Variants in NOTCH2 observed in about 807,000 individuals in gnomAD.
The protein encoded by NOTCH2 is notch receptor 2.
A neutral mutation model predicts 235.8 loss-of-function variants in NOTCH2; 29 were observed. That is an observed-to-expected ratio of 0.12 (90% confidence interval 0.09 to 0.17). The LOEUF is 0.17. NOTCH2 is among the 10% of genes least tolerant of loss of function. NOTCH2 has a pLI of 1.00. For missense variants in NOTCH2, 2,285 were observed against 3,150.2 expected (o/e 0.73, Z 6.57); for synonymous variants, 1,086 against 1,141.5 (o/e 0.95, Z 0.98).
chr1:119,940,844 A>T, intron 18 of NOTCH2, 88 bp from the exon 19 acceptor site: 1 of 1,215,110 alleles, frequency 8.2e-7, no homozygotes, highest in East Asian at 2.4e-5. Flanking sequence ...CTAAGATCAT[A>T]CAGAGGCAAA....
At chr1:119,983,669 T>C (rs1651903069) in intron 5 of NOTCH2, among the ~76,000 whole-genome samples, 1 of 152,128 alleles carries the variant, frequency 6.6e-6, no homozygotes, top group Non-Finnish European at 1.5e-5. Context: ...AAAGAGATAA[T>C]AGCAAATGAA....
chr1:119,929,337 C>A, intron 22 of NOTCH2, 125 bp from the exon 23 acceptor site: 1 of 790,978 alleles, frequency 1.3e-6, no homozygotes, highest in East Asian at 2.6e-5. Flanking sequence ...GGTAGTGGGA[C>A]CTTGTAGTTG....
At position 119,916,562 on chromosome 1, in the gene NOTCH2, T is replaced by A. The variant is rs774262327; in HGVS notation, c.6160A>T (p.Met2054Leu). 4 of 1,614,126 alleles carry A rather than the reference T, an allele frequency of 2.5e-6. No homozygotes were observed. The highest frequency in any genetic ancestry group is 3.3e-5 in the Admixed American group (2 of 60,014). The change falls in exon 34 of 34, where the codon ATG becomes TTG. Residue 2054 changes from methionine to leucine, a missense_variant. By Grantham distance (15) the Met-to-Leu change is conservative. Around this residue, in one of 6 missense-constraint regions of NOTCH2, gnomAD observed 504 missense variants for 538.0 expected, o/e 0.94. Transcript: ENST00000256646. ...RLPRDVARDR[M>L]HHDIVRLLDE... Reference sequence around the variant, plus strand: ...AGAAGGCGCACAATGTCATGGTGCATGCGATCCCGAGCCACATCCCGGGGA... The same window carrying A: ...AGAAGGCGCACAATGTCATGGTGCAAGCGATCCCGAGCCACATCCCGGGGA...
chr1:120,036,963 A>G (rs1436830976), intron 1 of NOTCH2, among the ~76,000 whole-genome samples: 2 of 152,202 alleles, frequency 1.3e-5, no homozygotes, highest in African/African-American at 2.4e-5. Flanking sequence ...AATCTCTAAC[A>G]TGAGTAATTA....
In NOTCH2 at chr1:119,918,497, T is replaced by C. The variant is rs1309851772; in HGVS notation, c.5838A>G (p.Thr1946=). The change falls in exon 32 of 34, where the codon ACA becomes ACG. Residue 1946 remains threonine (T), a synonymous_variant. Transcript: ENST00000256646. ...CCAGGCGGGCAGCCAGGATCAGGGGTGTAGTACCATCATTCATCCTGGCAT... is the reference window on the plus strand; with the variant it reads ...CCAGGCGGGCAGCCAGGATCAGGGGCGTAGTACCATCATTCATCCTGGCAT... The part of the protein sequence containing the change: ...DLDARMNDGT[T]PLILAARLAV... 1.9e-6 allele frequency: 3 copies of C among 1,613,740 alleles called. No individual in the cohort carries two copies. In the South Asian group the frequency reaches 3.3e-5, roughly 18 times the overall value.
chr1:119,954,174 A>C (rs1650595920), intron 13 of NOTCH2, among the ~76,000 whole-genome samples: 1 of 152,192 alleles, frequency 6.6e-6, no homozygotes, highest in Admixed American at 6.5e-5. Flanking sequence ...TTCAGAAAGC[A>C]CCTAGGGTAT....
chr1:120,058,206 A>G (rs1459902144), intron 1 of NOTCH2, among the ~76,000 whole-genome samples: 8 of 152,208 alleles, frequency 5.3e-5, no homozygotes, highest in Non-Finnish European at 1.0e-4. Flanking sequence ...TGATGTTTAA[A>G]AAATCAAGCT....
chr1:119,951,873 A>G lies in NOTCH2; in HGVS notation c.2366-1036T>C, dbSNP rs1650488411. ...TTTGGGATTTTACCTTTTGAATTTT[A>G]TTTTGTTCACTGATAAGCAAGTCTC... is the stretch of plus-strand genomic sequence containing the variant. On this transcript the variant is annotated intron_variant, in intron 14 of 33. Coordinates refer to ENST00000256646, the MANE Select transcript of NOTCH2 (RefSeq NM_024408.4). Among the ~76,000 whole-genome samples, 4 of 152,218 alleles carry G rather than the reference A, an allele frequency of 2.6e-5. No homozygotes were observed. The South Asian group carries it at 8.3e-4, about 31-fold the overall frequency.
intron 5 of NOTCH2, among the ~76,000 whole-genome samples, chr1:119,980,802 T>C (rs1431241746): frequency 6.6e-6 from 1 of 152,148 alleles, no homozygotes; most frequent in East Asian, 1.9e-4. Context: ...AAGTAAAATA[T>C]TACAGGAGCT....
intron 24 of NOTCH2, 136 bp downstream of exon 24, chr1:119,926,363 A>G: frequency 1.3e-6 from 1 of 768,228 alleles, no homozygotes; most frequent in Non-Finnish European, 2.3e-6. Context: ...AAACCCAAGC[A>G]CTTTCCTCTG....
chr1:120,033,468 T>C (rs1487708069), intron 1 of NOTCH2, among the ~76,000 whole-genome samples: 1 of 94,802 alleles, frequency 1.1e-5, no homozygotes, highest in African/African-American at 4.0e-5. Flanking sequence ...TACAATGGAA[T>C]ACTATTCAAC....
intron 1 of NOTCH2, among the ~76,000 whole-genome samples, chr1:120,060,460 T>C (rs782748610): frequency 2.0e-5 from 3 of 149,040 alleles, no homozygotes; most frequent in Non-Finnish European, 3.0e-5. Context: ...AATATATATA[T>C]ATATATATAT....
intron 5 of NOTCH2, among the ~76,000 whole-genome samples, chr1:119,973,243 T>C (rs587765592): frequency 6.6e-6 from 1 of 152,310 alleles, no homozygotes; most frequent in East Asian, 1.9e-4. Flanking sequence ...GCCAGATTAT[T>C]TTCTCCCTAT....
At chr1:119,966,524 G>A in intron 8 of NOTCH2, 35 bp from the exon 9 acceptor site, 4 of 1,459,574 alleles carry the variant, frequency 2.7e-6, no homozygotes, top group Non-Finnish European at 3.8e-6. Context: ...GGCTTAAAGA[G>A]AGAGAAAGGT....
At chr1:119,947,794 T>C (rs1224650616) in intron 17 of NOTCH2, among the ~76,000 whole-genome samples, 2 of 152,352 alleles carry the variant, frequency 1.3e-5, no homozygotes, top group East Asian at 1.9e-4. Flanking sequence ...AATGGAATAC[T>C]GCAGAACAAT....
At chr1:119,978,338 G>A (rs1012752468) in intron 5 of NOTCH2, among the ~76,000 whole-genome samples, 2 of 152,072 alleles carry the variant, frequency 1.3e-5, no homozygotes, top group Non-Finnish European at 2.9e-5. Context: ...ACAGCCTTGG[G>A]ACTAAATCCA....
rs112363464 is a variant in NOTCH2 at position 119,922,745 on chromosome 1, C to A, written c.4893G>T (p.Gln1631His). ...SKVFLEIDNR[Q>H]CVQDSDHCFK... ...AGCAGTGGTCTGAGTCTTGAACACACTGGCGGTTGTCAATTTCCAGAAAGA... is the reference window on the plus strand; with the variant it reads ...AGCAGTGGTCTGAGTCTTGAACACAATGGCGGTTGTCAATTTCCAGAAAGA... Residue 1631 changes from glutamine to histidine, a missense_variant, in exon 27 of 34, where the codon CAG (glutamine) becomes CAT (histidine). Physicochemically the swap from Gln to His is conservative, Grantham distance 24 (BLOSUM62 0). Around this residue, in one of 6 missense-constraint regions of NOTCH2, gnomAD observed 1,173 missense variants for 1,515.3 expected, o/e 0.77. Coordinates refer to ENST00000256646, the MANE Select transcript of NOTCH2 (RefSeq NM_024408.4). The A allele has an allele frequency of 3.1e-6, 5 of 1,614,172 alleles. No homozygotes were observed. Among genetic ancestry groups the A allele is most frequent in the Admixed American group, 1.7e-5 (1 of 60,028 alleles).
Position 119,969,572 on chromosome 1 carries a change from T to C in NOTCH2, c.1047A>G (p.Pro349=). 6.2e-7 allele frequency: 1 copy of C among 1,614,000 alleles called. No individual in the cohort carries two copies. The highest frequency in any genetic ancestry group is 1.1e-5 in the South Asian group (1 of 91,086). The change falls in exon 6 of 34, where the codon CCA becomes CCG. Residue 349 remains proline, a synonymous_variant. Transcript: ENST00000256646. ...CCACACGGTCGATGCAGGTGGAGCC[T>C]GGAGTACAGGAGGCGAAGGCACAAT... ...IDDCAFASCT[P]GSTCIDRVAS... is the part of the protein sequence containing the mutation.
rs1366285125 is a variant in NOTCH2 at position 119,925,666 on chromosome 1, G to C, written c.4150C>G (p.Gln1384Glu). Residue 1384 changes from glutamine (Q) to glutamate (E), a missense_variant, in exon 25 of 34, where the codon CAG (glutamine) becomes GAG (glutamate). Physicochemically the swap from Gln to Glu is conservative, Grantham distance 29. This residue lies in a region of NOTCH2 where 1,173 missense variants were observed against 1,515.3 expected (regional missense o/e 0.77). Transcript: ENST00000256646. ...CESGCASSPC[Q>E]HGGSCHPQRQ... is the part of the protein sequence containing the mutation. ...TGAGGGTGGCAGCTGCCCCCGTGCT[G>C]GCAGGGGCTACTGGCACAGCCTGAC... The C allele has an allele frequency of 1.2e-6, 2 of 1,612,416 alleles. No homozygotes were observed. Among genetic ancestry groups the C allele is most frequent in the Non-Finnish European group, 1.7e-6 (2 of 1,178,814 alleles).
Sources: gnomAD v4.1 joint callset for allele counts (sites outside exome capture counted in the v4.1 genomes callset) on GRCh38, gnomAD v4.1.1 for gene constraint, gnomAD v4.1.1 regional missense constraint, MANE v1.5 for transcripts, NCBI Gene and HGNC (gene_info 2026-07-23, HGNC 2026-07-21) for gene names.